CPS1: variants seen among roughly 807,000 people sequenced by gnomAD.
CPS1 encodes carbamoyl-phosphate synthase [ammonia], mitochondrial.
In CPS1, 109 loss-of-function variants were observed where a neutral mutation model predicts 174.6. That is an observed-to-expected ratio of 0.62 (90% CI 0.53 to 0.73). The LOEUF (loss-of-function observed/expected upper bound fraction) is 0.73. Among genes scored for constraint, CPS1 ranks in the 30% least tolerant of loss-of-function variants. The pLI is 0.00. For synonymous variants in CPS1, 637 were observed against 632.0 expected, an observed-to-expected ratio of 1.01 and a Z score of -0.12; for missense variants, 1,689 against 1,821.9, an observed-to-expected ratio of 0.93 and a Z score of 1.33.
At chr2:210,594,431 A>T in intron 11 of CPS1, 77 bp from the exon 12 acceptor site, 1 of 951,544 alleles carries the variant, frequency 1.1e-6, no homozygotes, top group East Asian at 2.5e-5. Context: ...GTTCAAATTT[A>T]ACTGGGTATA....
At chr2:210,528,128 AG>A (rs1243875847) in intron 1 of CPS1, among the ~76,000 whole-genome samples, 1 of 151,910 alleles carries the variant, frequency 6.6e-6, no homozygotes, top group African/African-American at 2.4e-5. Context: ...GACTTGAAGT[AG>A]TACTCAATTG....
intron 21 of CPS1, among the ~76,000 whole-genome samples, chr2:210,621,284 G>A (rs948743455): frequency 1.3e-5 from 2 of 152,132 alleles, no homozygotes; most frequent in Non-Finnish European, 2.9e-5. Context: ...GTTGTGTCAT[G>A]TAGGATTCGA....
chr2:210,562,044 C>G (rs946050513), intron 1 of CPS1, among the ~76,000 whole-genome samples: 1 of 152,072 alleles, frequency 6.6e-6, no homozygotes, highest in African/African-American at 2.4e-5. Flanking sequence ...ATGTAGGTTC[C>G]TCCAGGATTC....
At chr2:210,574,137 T>G (rs1354022607) in intron 2 of CPS1, among the ~76,000 whole-genome samples, 1 of 152,038 alleles carries the variant, frequency 6.6e-6, no homozygotes, top group Non-Finnish European at 1.5e-5. Context: ...AATTATATAA[T>G]ATTGGGAACA....
intron 1 of CPS1, among the ~76,000 whole-genome samples, chr2:210,505,543 C>T (rs1002059499): frequency 6.6e-6 from 1 of 151,942 alleles, no homozygotes. Context: ...ACAGTGGGTG[C>T]AGGACAGTGG....
intron 1 of CPS1, among the ~76,000 whole-genome samples, chr2:210,550,391 G>A (rs1696696860): frequency 6.6e-6 from 1 of 151,932 alleles, no homozygotes; most frequent in African/African-American, 2.4e-5. Context: ...TGCTCCAAGA[G>A]GATGAACATT....
intron 5 of CPS1, among the ~76,000 whole-genome samples, chr2:210,581,296 G>A (rs938137951): frequency 2.0e-5 from 3 of 152,066 alleles, no homozygotes; most frequent in South Asian, 2.1e-4. Flanking sequence ...TTACAAGACC[G>A]CACTTGTCTT....
chr2:210,609,602 TTCTC>T (rs1699038185), intron 19 of CPS1, among the ~76,000 whole-genome samples: 2 of 151,980 alleles, frequency 1.3e-5, no homozygotes, highest in South Asian at 4.1e-4. Flanking sequence ...ATCTCAGTCT[TTCTC>T]TATCATTTGT....
intron 25 of CPS1, among the ~76,000 whole-genome samples, chr2:210,645,299 G>A (rs1345999297): frequency 2.6e-5 from 4 of 151,514 alleles, no homozygotes; most frequent in African/African-American, 9.7e-5. Flanking sequence ...TGAGAATTTG[G>A]TTTTGTGCTG....
intron 1 of CPS1, among the ~76,000 whole-genome samples, chr2:210,531,198 G>A (rs1410883226): frequency 6.6e-6 from 1 of 151,994 alleles, no homozygotes; most frequent in Non-Finnish European, 1.5e-5. Flanking sequence ...CCTTGGGGCT[G>A]AAAACCCTGG....
intron 1 of CPS1, among the ~76,000 whole-genome samples, chr2:210,525,865 G>A (rs1423337699): frequency 6.6e-6 from 1 of 151,470 alleles, no homozygotes; most frequent in African/African-American, 2.4e-5. Context: ...AGAAGGAGCA[G>A]CAGTAGGAGA....
intron 1 of CPS1, among the ~76,000 whole-genome samples, chr2:210,564,312 T>C (rs1273743106): frequency 6.6e-6 from 1 of 152,184 alleles, no homozygotes; most frequent in African/African-American, 2.4e-5. Context: ...AAATTACTTA[T>C]AACCTGTGAA....
At chr2:210,578,735 C>A (rs1697796656) in intron 4 of CPS1, among the ~76,000 whole-genome samples, 1 of 152,180 alleles carries the variant, frequency 6.6e-6, no homozygotes, top group Non-Finnish European at 1.5e-5. Flanking sequence ...TAGCCATTTT[C>A]TTCTCAACTA....
chr2:210,496,380 A>G (rs554717465), intron 1 of CPS1, among the ~76,000 whole-genome samples: 4 of 152,216 alleles, frequency 2.6e-5, no homozygotes, highest in Non-Finnish European at 5.9e-5. Context: ...TCCTGCCTCT[A>G]TTCCTTGGGT....
intron 1 of CPS1, among the ~76,000 whole-genome samples, chr2:210,493,222 A>G (rs1694912983): frequency 6.6e-6 from 1 of 152,166 alleles, no homozygotes; most frequent in Admixed American, 6.5e-5. Flanking sequence ...TTGGGTTCTC[A>G]GCTCATCTTT....
Position 210,591,872 on chromosome 2 carries a change from C to T in CPS1, c.989C>T (p.Ala330Val). ...GTTTTGAATATCACAAACAAACAGGCTTTCATTACTGCTCAGAATCATGGC... is the reference window on the plus strand; with the variant it reads ...GTTTTGAATATCACAAACAAACAGGTTTTCATTACTGCTCAGAATCATGGC... ...QPVLNITNKQ[A>V]FITAQNHGYA... Residue 330 changes from alanine to valine, a missense_variant, in exon 10 of 38, where the codon GCT (alanine) becomes GTT (valine). Coordinates refer to ENST00000233072, the MANE Select transcript of CPS1 (RefSeq NM_001875.5). The T allele has an allele frequency of 6.2e-7, 1 of 1,612,514 alleles. No individual in the cohort carries two copies. The highest frequency in any genetic ancestry group is 8.5e-7 in the Non-Finnish European group (1 of 1,179,024).
upstream of CPS1, among the ~76,000 whole-genome samples, chr2:210,554,092 T>G (rs1190861483): frequency 1.4e-5 from 2 of 143,460 alleles, no homozygotes; most frequent in African/African-American, 5.2e-5. Context: ...CATATGTATA[T>G]GTATGTATAT....
intron 18 of CPS1, among the ~76,000 whole-genome samples, 177 bp from the exon 19 acceptor site, chr2:210,608,184 T>G (rs941123106): frequency 6.6e-6 from 1 of 151,874 alleles, no homozygotes; most frequent in Non-Finnish European, 1.5e-5. Context: ...ATACTTTGTA[T>G]CATGACTCCT....
rs548763994 is a variant in CPS1 at position 210,656,600 on chromosome 2, A to G, written c.3634A>G (p.Thr1212Ala). Residue 1212 changes from threonine (T) to alanine (A), a missense_variant, in exon 30 of 38, where the codon ACA becomes GCA. Thr to Ala is a moderately conservative substitution (Grantham distance 58). Transcript: ENST00000233072. ...HSGDATLMLP[T>A]QTISQGAIEK... ...GGGAGATGCCACTCTGATGCTGCCCACACAAACCATCAGCCAAGGGGCCAT... is the reference window on the plus strand; with the variant it reads ...GGGAGATGCCACTCTGATGCTGCCCGCACAAACCATCAGCCAAGGGGCCAT... 22 of 1,611,042 alleles carry G rather than the reference A, an allele frequency of 1.4e-5. No individual in the cohort carries two copies. Among genetic ancestry groups the G allele is most frequent in the Middle Eastern group, 1.7e-4 (1 of 6,052 alleles).
Sources: gnomAD v4.1 joint callset for allele counts (sites outside exome capture counted in the v4.1 genomes callset) on GRCh38, gnomAD v4.1.1 for gene constraint, MANE v1.5 for transcripts, NCBI Gene and HGNC (gene_info 2026-07-23, HGNC 2026-07-21) for gene names.